KLF15: variants seen among roughly 807,000 people sequenced by gnomAD.
KLF15 encodes KLF transcription factor 15.
A neutral mutation model predicts 24.6 loss-of-function variants in KLF15; 4 were observed. The ratio of observed to expected loss-of-function variants is 0.16; its 90% CI spans 0.08 to 0.37. The LOEUF (loss-of-function observed/expected upper bound fraction) is 0.37, where lower values mean the gene tolerates loss of function less well. Among genes scored for constraint, KLF15 ranks in the 10% least tolerant of loss-of-function variants. The pLI is 1.00. For missense variants in KLF15, 496 were observed against 560.6 expected (o/e 0.88, Z 1.16); for synonymous variants, 246 against 236.3 (o/e 1.04, Z -0.37).
chr3:126,317,764 A>C, the KLF15 span, among the ~76,000 whole-genome samples: 6 of 152,248 alleles, frequency 3.9e-5, no homozygotes, highest in East Asian at 1.2e-3. Flanking sequence ...CCCTCTTCCA[A>C]GTGTACTTTA....
chr3:126,347,722 C>T (rs766409552), intron 2 of KLF15, among the ~76,000 whole-genome samples: 20 of 152,340 alleles, frequency 1.3e-4, no homozygotes, highest in Non-Finnish European at 2.6e-4. Context: ...AGCCTGCTCT[C>T]AGCCCTGTTG....
At chr3:126,330,546 C>G in the KLF15 span, among the ~76,000 whole-genome samples, 1 of 141,480 alleles carries the variant, frequency 7.1e-6, no homozygotes, top group Non-Finnish European at 1.5e-5. Flanking sequence ...TTTTTTTTTT[C>G]TTGTCATATT....
the KLF15 span, among the ~76,000 whole-genome samples, chr3:126,309,788 G>T: frequency 1.3e-5 from 2 of 152,142 alleles, no homozygotes; most frequent in Non-Finnish European, 2.9e-5. Flanking sequence ...AGATGATCCT[G>T]GTGACTCTTA....
the KLF15 span, among the ~76,000 whole-genome samples, chr3:126,319,385 G>T: frequency 1.8e-4 from 27 of 152,338 alleles, no homozygotes; most frequent in Non-Finnish European, 7.3e-5. Flanking sequence ...AGGTAGCTGT[G>T]CCATTTGGCC....
the KLF15 span, among the ~76,000 whole-genome samples, chr3:126,296,777 A>G: frequency 1.6e-4 from 25 of 152,348 alleles, no homozygotes; most frequent in African/African-American, 5.8e-4. Flanking sequence ...TTCCATTCTC[A>G]AATAGGAAAA....
At position 126,352,760 on chromosome 3, in the gene KLF15, G is replaced by T. The variant is rs570393140; in HGVS notation, c.163C>A (p.Pro55Thr). 1.4e-5 allele frequency: 22 copies of T among 1,573,742 alleles called. 1 individual carries two copies. The South Asian group carries it at 2.3e-4, about 17-fold the overall frequency. The change falls in exon 2 of 3, where the codon CCC becomes ACC. Residue 55 changes from proline (P) to threonine (T), a missense_variant. Coordinates refer to ENST00000296233, the MANE Select transcript of KLF15 (RefSeq NM_014079.4). ...CAGGAGCAGAGGGCTTGAGAGTCGGGACTGGAACAGGAGCAGGGGCTGGAG... is the reference window on the plus strand; with the variant it reads ...CAGGAGCAGAGGGCTTGAGAGTCGGTACTGGAACAGGAGCAGGGGCTGGAG... Reference protein sequence around the residue: ...DASSPCSCSSPDSQALCSCYG... With the variant: ...DASSPCSCSSTDSQALCSCYG...
At chr3:126,329,992 C>G in the KLF15 span, among the ~76,000 whole-genome samples, 1 of 152,166 alleles carries the variant, frequency 6.6e-6, no homozygotes, top group Non-Finnish European at 1.5e-5. Flanking sequence ...ACACCCTCTG[C>G]TGTATGTTCT....
At chr3:126,355,881 G>A (rs1391952456) in intron 1 of KLF15, among the ~76,000 whole-genome samples, 1 of 152,200 alleles carries the variant, frequency 6.6e-6, no homozygotes, top group Non-Finnish European at 1.5e-5. Flanking sequence ...CCAGGGCACC[G>A]GCATTAAAGA....
chr3:126,327,408 G>C, the KLF15 span, among the ~76,000 whole-genome samples: 4 of 152,178 alleles, frequency 2.6e-5, no homozygotes. Flanking sequence ...TCTGGCTGCT[G>C]TCCCTCAGGG....
the KLF15 span, among the ~76,000 whole-genome samples, chr3:126,293,578 C>T: frequency 0.16 from 24,266 of 152,138 alleles, 2,133 homozygotes; most frequent in Non-Finnish European, 0.2. Context: ...GATGTGTCAA[C>T]GTCGGACTCT....
intron 2 of KLF15, among the ~76,000 whole-genome samples, chr3:126,348,666 T>C (rs889232510): frequency 6.6e-6 from 1 of 152,206 alleles, no homozygotes; most frequent in African/African-American, 2.4e-5. Context: ...CACTACAGCC[T>C]CAAGGGCAGG....
the KLF15 span, among the ~76,000 whole-genome samples, chr3:126,301,248 C>T: frequency 7.6e-6 from 1 of 131,668 alleles, no homozygotes; most frequent in Non-Finnish European, 1.8e-5. Flanking sequence ...GGTTTTGACA[C>T]TGAGAGCAAA....
In KLF15 at chr3:126,343,906, T is replaced by C. The variant is rs200721787; in HGVS notation, c.1083-11A>G. 1.2e-3 allele frequency: 1,834 copies of C among 1,570,580 alleles called. 4 individuals carry two copies. The highest frequency in any genetic ancestry group is 4.2e-3 in the Middle Eastern group (18 of 4,332). On this transcript the variant is annotated splice_polypyrimidine_tract_variant and intron_variant, in intron 2 of 2. Transcript: ENST00000296233. ...TCAGAGCGCGAGAACCTGCGGGACATGGCGCGGTCAGCGAGGCCTGGCCCT... is the reference window on the plus strand; with the variant it reads ...TCAGAGCGCGAGAACCTGCGGGACACGGCGCGGTCAGCGAGGCCTGGCCCT...
chr3:126,351,489 G>C (rs1157659262), intron 2 of KLF15, among the ~76,000 whole-genome samples: 1 of 152,226 alleles, frequency 6.6e-6, no homozygotes, highest in South Asian at 2.1e-4. Context: ...GGGGCTGTGG[G>C]CCCAAAGGGA....
At chr3:126,293,396 G>A in the KLF15 span, among the ~76,000 whole-genome samples, 1 of 152,112 alleles carries the variant, frequency 6.6e-6, no homozygotes, top group African/African-American at 2.4e-5. Flanking sequence ...CTTGTGGGTG[G>A]GTGGTATCTG....
chr3:126,345,572 G>C (rs969983327), intron 2 of KLF15, among the ~76,000 whole-genome samples: 33 of 130,842 alleles, frequency 2.5e-4, no homozygotes, highest in African/African-American at 8.2e-4. Flanking sequence ...CACACACACA[G>C]GCACAAATTC....
At chr3:126,315,341 A>C in the KLF15 span, among the ~76,000 whole-genome samples, 1 of 152,110 alleles carries the variant, frequency 6.6e-6, no homozygotes. Context: ...GTTAGAACAT[A>C]TCTCTTCTTG....
downstream of KLF15, among the ~76,000 whole-genome samples, chr3:126,339,161 C>T (rs1397941696): frequency 1.3e-5 from 2 of 152,126 alleles, no homozygotes; most frequent in Non-Finnish European, 2.9e-5. Flanking sequence ...CTGACGGGCC[C>T]GGCTGTTTGG....
chr3:126,300,886 C>G, the KLF15 span, among the ~76,000 whole-genome samples: 2 of 152,188 alleles, frequency 1.3e-5, no homozygotes, highest in African/African-American at 4.8e-5. Context: ...ACGGAGGGTC[C>G]GCTGAACGTC....
Sources: allele counts gnomAD v4.1 joint callset (sites outside exome capture counted in the v4.1 genomes callset), GRCh38; gene constraint gnomAD v4.1.1; transcripts MANE v1.5; gene names NCBI Gene and HGNC (gene_info 2026-07-23, HGNC 2026-07-21).